The following SEC11A variants were observed in gnomAD, a reference collection of about 807,000 sequenced individuals.
The protein encoded by SEC11A is SEC11 homolog A, signal peptidase complex subunit.
Under a neutral mutation model 25.6 loss-of-function variants are expected in SEC11A, and 14 were observed. The observed-to-expected ratio is 0.55, with a 90% CI of 0.36 to 0.85. The LOEUF is 0.85. SEC11A is among the 40% of genes least tolerant of loss of function. The pLI, the probability that SEC11A is intolerant of heterozygous loss-of-function variation, is 0.01. For missense variants in SEC11A, 153 were observed against 222.9 expected (o/e 0.69, Z 2.00); for synonymous variants, 83 against 76.4 (o/e 1.09, Z -0.45).
intron 4 of SEC11A, chr15:84,680,071 G>T: frequency 1.4e-6 from 1 of 701,200 alleles, no homozygotes; most frequent in Non-Finnish European, 2.4e-6. Flanking sequence ...AAACTAATTT[G>T]GATGAACACT....
At chr15:84,687,542 C>T (rs756971402) in intron 3 of SEC11A, 83 bp downstream of exon 3, 1 of 1,196,710 alleles carries the variant, frequency 8.4e-7, no homozygotes, top group African/African-American at 1.6e-5. Context: ...CACTGTTTTA[C>T]AATCTTTAGG....
At chr15:84,692,567 A>C (rs1596076648) in intron 1 of SEC11A, among the ~76,000 whole-genome samples, 2 of 152,196 alleles carry the variant, frequency 1.3e-5, no homozygotes, top group African/African-American at 2.4e-5. Flanking sequence ...AAAACACCAG[A>C]CGGCATTTCA....
chr15:84,683,561 ATTT>A (rs34537315), intron 3 of SEC11A, among the ~76,000 whole-genome samples: 1 of 146,554 alleles, frequency 6.8e-6, no homozygotes, highest in Non-Finnish European at 1.5e-5. Context: ...TATTAGACCT[ATTT>A]TTTTTTTTTG....
intron 1 of SEC11A, among the ~76,000 whole-genome samples, chr15:84,703,371 A>C (rs1898004563): frequency 6.6e-6 from 1 of 152,220 alleles, no homozygotes; most frequent in African/African-American, 2.4e-5. Flanking sequence ...TCTTGAAGAC[A>C]CAAGTAAATA....
Position 84,669,779 on chromosome 15 carries a change from A to G in SEC11A, c.*240T>C, listed in dbSNP as rs749954377. On this transcript the variant is annotated 3_prime_UTR_variant, in exon 6 of 6. Transcript: ENST00000268220. ...AAATTCACTGATGTACAAAAATTTG[A>G]AAGTGTGACAATGACAATTATGAAA... 1.6e-5 allele frequency: 8 copies of G among 502,702 alleles called. No homozygotes were observed. The highest frequency in any genetic ancestry group is 3.9e-5 in the Admixed American group (1 of 25,326). The allele number at this position is 502,702 out of a possible 1,614,324, so 31.1% of individuals were successfully genotyped here.
intron 1 of SEC11A, among the ~76,000 whole-genome samples, chr15:84,705,370 C>T (rs1166773707): frequency 1.3e-5 from 2 of 152,160 alleles, no homozygotes; most frequent in Non-Finnish European, 2.9e-5. Flanking sequence ...AGTTATGGCA[C>T]CAGCTAGGTG....
intron 3 of SEC11A, among the ~76,000 whole-genome samples, chr15:84,686,309 T>C (rs1480003102): frequency 2.6e-5 from 4 of 152,214 alleles, no homozygotes; most frequent in Admixed American, 2.6e-4. Context: ...CAGTTTCCTC[T>C]TCTTTCAAGA....
intron 2 of SEC11A, among the ~76,000 whole-genome samples, chr15:84,689,435 T>G (rs1486757479): frequency 6.6e-6 from 1 of 152,086 alleles, no homozygotes; most frequent in African/African-American, 2.4e-5. Flanking sequence ...TAAAAAAGAG[T>G]AATCTAAGTA....
At chr15:84,683,587 G>T (rs1897334882) in intron 3 of SEC11A, among the ~76,000 whole-genome samples, 2 of 150,814 alleles carry the variant, frequency 1.3e-5, no homozygotes, top group Non-Finnish European at 2.9e-5. Context: ...ACGGAGTTTC[G>T]CACTTGTCAC....
At chr15:84,709,631 C>T (rs796677302) in intron 1 of SEC11A, among the ~76,000 whole-genome samples, 21 of 151,774 alleles carry the variant, frequency 1.4e-4, no homozygotes, top group African/African-American at 3.9e-4. Flanking sequence ...TTAGTAGAGA[C>T]GGGGCTTCAC....
At chr15:84,693,512 C>T (rs1897671408) in intron 1 of SEC11A, among the ~76,000 whole-genome samples, 2 of 149,036 alleles carry the variant, frequency 1.3e-5, no homozygotes, top group African/African-American at 4.9e-5. Context: ...GGCTGGAGTG[C>T]AGTGACATGA....
At chr15:84,715,918 G>T in intron 1 of SEC11A, 107 bp downstream of exon 1, 2 of 1,029,504 alleles carry the variant, frequency 1.9e-6, no homozygotes, top group Non-Finnish European at 3.0e-6. Flanking sequence ...CCGGGTATCA[G>T]ACCAGCTCAG....
chr15:84,708,570 T>C (rs1808438077), intron 1 of SEC11A, among the ~76,000 whole-genome samples: 1 of 152,022 alleles, frequency 6.6e-6, no homozygotes, highest in African/African-American at 2.4e-5. Context: ...GTATCAAAGA[T>C]ACCTAGGCAA....
chr15:84,712,096 C>T (rs934824210), intron 1 of SEC11A, among the ~76,000 whole-genome samples: 3 of 152,006 alleles, frequency 2.0e-5, no homozygotes, highest in African/African-American at 7.3e-5. Flanking sequence ...CAAAAATTAG[C>T]CAGGCATGGT....
chr15:84,710,778 T>C (rs1435050652), intron 1 of SEC11A, among the ~76,000 whole-genome samples: 1 of 151,976 alleles, frequency 6.6e-6, no homozygotes, highest in Non-Finnish European at 1.5e-5. Flanking sequence ...TCTAAATAGG[T>C]TTTTCTGCAC....
intron 4 of SEC11A, chr15:84,673,022 G>A (rs1166979369): frequency 1.5e-5 from 3 of 198,146 alleles, no homozygotes; most frequent in Admixed American, 6.0e-5. Flanking sequence ...GAGTCCCTCC[G>A]CCCGGCAGCC....
At chr15:84,672,412 G>T in intron 4 of SEC11A, 4 of 160,770 alleles carry the variant, frequency 2.5e-5, no homozygotes, top group Admixed American at 6.5e-5. Flanking sequence ...GATTGCAGGC[G>T]CGCGCCGCCA....
chr15:84,679,250 G>A (rs1897222129), intron 4 of SEC11A: 7 of 1,259,678 alleles, frequency 5.6e-6, no homozygotes, highest in Non-Finnish European at 7.3e-6. Context: ...GGGAACTGAG[G>A]AAGATGGGGA....
intron 1 of SEC11A, among the ~76,000 whole-genome samples, chr15:84,715,357 G>A (rs1034094880): frequency 6.6e-6 from 1 of 152,196 alleles, no homozygotes; most frequent in African/African-American, 2.4e-5. Flanking sequence ...GAAGATCAAA[G>A]TAAAGTGTAA....
Sources: gnomAD v4.1 joint callset for allele counts (sites outside exome capture counted in the v4.1 genomes callset) on GRCh38, gnomAD v4.1.1 for gene constraint, MANE v1.5 for transcripts, NCBI Gene and HGNC (gene_info 2026-07-23, HGNC 2026-07-21) for gene names.